The following RAB32 variants were observed in gnomAD, a reference collection of about 807,000 sequenced individuals.
RAB32 encodes RAB32, member RAS oncogene family.
A neutral mutation model predicts 17.5 loss-of-function variants in RAB32; 17 were observed. That is an observed-to-expected ratio of 0.97 (90% confidence interval 0.67 to 1.46). RAB32 has a LOEUF of 1.46. RAB32 is among the 40% of genes most tolerant of loss of function. The pLI, the probability that RAB32 is intolerant of heterozygous loss-of-function variation, is 0.00. For missense variants in RAB32, 288 were observed against 284.3 expected (o/e 1.01, Z -0.09); for synonymous variants, 115 against 111.1 (o/e 1.04, Z -0.22).
At chr6:146,548,417 A>C (rs1779850926) in intron 1 of RAB32, among the ~76,000 whole-genome samples, 1 of 152,220 alleles carries the variant, frequency 6.6e-6, no homozygotes, top group African/African-American at 2.4e-5. Context: ...TGTGTCAATA[A>C]AATGTAGATA....
chr6:146,545,140 G>C (rs367592969), intron 1 of RAB32, among the ~76,000 whole-genome samples: 2 of 152,020 alleles, frequency 1.3e-5, no homozygotes, highest in Non-Finnish European at 2.9e-5. Flanking sequence ...GTGGTCGTGC[G>C]TGCCTGTAGT....
Position 146,549,539 on chromosome 6 carries a change from C to G in RAB32, c.326C>G (p.Ser109Ter). The change falls in exon 2 of 3, where the codon TCA becomes TGA. Residue 109 changes from serine to a stop codon, truncating the protein, a stop_gained. Coordinates refer to ENST00000367495, the MANE Select transcript of RAB32 (RefSeq NM_006834.5). LOFTEE classifies it high-confidence loss of function. The part of the protein sequence containing the change: ...AVGAFVVFDI[S>*]RSSTFEAVLK... ...GGTGCTTTTGTAGTCTTTGATATAT[C>G]AAGAAGTTCCACATTTGAGGCAGTC... The G allele has an allele frequency of 6.2e-7, 1 of 1,614,094 alleles. No homozygotes were observed. Among genetic ancestry groups the G allele is most frequent in the East Asian group, 2.2e-5 (1 of 44,876 alleles).
intron 1 of RAB32, among the ~76,000 whole-genome samples, chr6:146,544,768 CG>C (rs1779799312): frequency 2.0e-5 from 1 of 51,204 alleles, no homozygotes; most frequent in Non-Finnish European, 4.5e-5. Flanking sequence ...CTGGTGCCCT[CG>C]CCCCCCCCCG....
At chr6:146,554,380 C>A in intron 2 of RAB32, 76 bp from the exon 3 acceptor site, 4 of 1,439,392 alleles carry the variant, frequency 2.8e-6, no homozygotes, top group Non-Finnish European at 3.7e-6. Flanking sequence ...TTTTCCTGGT[C>A]CCATTCATAC....
intron 2 of RAB32, among the ~76,000 whole-genome samples, chr6:146,554,173 T>A (rs146603808): frequency 1.7e-3 from 256 of 152,290 alleles, no homozygotes; most frequent in African/African-American, 5.7e-3. Flanking sequence ...AGAGCAAAGA[T>A]TCATTTTCAA....
Position 146,554,813 on chromosome 6 carries a change from T to C in RAB32, c.*208T>C. On this transcript the variant is annotated 3_prime_UTR_variant, in exon 3 of 3. Transcript: ENST00000367495. ...AACTTAACAGATGACAATTAGGCTT[T>C]TGTCATTGTTGCCATCATATGGAAG... The C allele has an allele frequency of 2.2e-6, 1 of 446,246 alleles. No individual in the cohort carries two copies. The highest frequency in any genetic ancestry group is 4.0e-6 in the Non-Finnish European group (1 of 252,412). The allele number at this position is 446,246 out of a possible 1,614,324, so 27.6% of individuals were successfully genotyped here.
In RAB32 at chr6:146,552,648, G is replaced by GT. The variant is rs145403260; in HGVS notation, c.529-1807dup. ...AAGAAGTTGATACAGATGCATGTGT[G>GT]TATACATACGTTTATTTACTAGCCA... On this transcript the variant is annotated intron_variant, in intron 2 of 2. Coordinates refer to ENST00000367495, the MANE Select transcript of RAB32 (RefSeq NM_006834.5). Among the ~76,000 whole-genome samples the GT allele has an allele frequency of 2.6e-5, 4 of 152,262 alleles. No individual in the cohort carries two copies. The East Asian group carries it at 7.7e-4, about 29-fold the overall frequency.
chr6:146,548,896 T>G (rs1779859020), intron 1 of RAB32, among the ~76,000 whole-genome samples: 1 of 152,232 alleles, frequency 6.6e-6, no homozygotes, highest in South Asian at 2.1e-4. Context: ...TGCCTTTTGT[T>G]CTGAAACAGA....
At position 146,551,693 on chromosome 6, in the gene RAB32, T is replaced by A. The variant is rs560101843; in HGVS notation, c.528+1952T>A. On this transcript the variant is annotated intron_variant, in intron 2 of 2. Transcript: ENST00000367495. ...GACAAAATTCCCCTTTAGGCTCTAT[T>A]TAATCTTTCAGATAGTAAATCCAGA... is the stretch of plus-strand genomic sequence containing the variant. 5.1e-4 allele frequency among the ~76,000 whole-genome samples: 78 copies of A among 152,326 alleles called. 1 individual carries two copies. The highest frequency in any genetic ancestry group is 1.7e-3 in the African/African-American group (72 of 41,578).
intron 1 of RAB32, 102 bp downstream of exon 1, chr6:146,544,223 G>C: frequency 7.1e-7 from 1 of 1,411,940 alleles, no homozygotes; most frequent in Non-Finnish European, 9.4e-7. Context: ...GTCTGCCTGG[G>C]TACCTTTAGG....
At chr6:146,551,086 C>CA (rs1379189889) in intron 2 of RAB32, among the ~76,000 whole-genome samples, 1 of 151,980 alleles carries the variant, frequency 6.6e-6, no homozygotes, top group African/African-American at 2.4e-5. Context: ...AGAGACTGCA[C>CA]AAAAGGAGAC....
chr6:146,551,626 T>C (rs1019878101), intron 2 of RAB32, among the ~76,000 whole-genome samples: 23 of 151,876 alleles, frequency 1.5e-4, no homozygotes, highest in Admixed American at 1.4e-3. Context: ...TATAACTGCT[T>C]ATGCGAGTGT....
chr6:146,553,769 CT>C (rs1779924593), intron 2 of RAB32, among the ~76,000 whole-genome samples: 1 of 152,060 alleles, frequency 6.6e-6, no homozygotes, highest in South Asian at 2.1e-4. Flanking sequence ...GGAATGTTTA[CT>C]TTTTTTGCAA....
intron 1 of RAB32, 143 bp downstream of exon 1, chr6:146,544,264 T>C: frequency 8.6e-7 from 1 of 1,167,848 alleles, no homozygotes; most frequent in African/African-American, 1.6e-5. Context: ...AAGGGCGAGA[T>C]GCGATGGACG....
chr6:146,544,206 T>C lies in RAB32; in HGVS notation c.250+85T>C. 10 of 1,452,622 alleles carry C rather than the reference T, an allele frequency of 6.9e-6. No individual in the cohort carries two copies. The South Asian group carries it at 1.4e-4, about 20-fold the overall frequency. 90.0% of individuals were successfully genotyped at this position (1,452,622 alleles called of 1,614,324 possible). On this transcript the variant is annotated intron_variant, in intron 1 of 2. Coordinates refer to ENST00000367495, the MANE Select transcript of RAB32 (RefSeq NM_006834.5). ...GCTTCTTTTCTTTTTCTTTTCTGCC[T>C]GAACTCGTCTGCCTGGGTACCTTTA...
chr6:146,548,445 G>C (rs1779851245), intron 1 of RAB32, among the ~76,000 whole-genome samples: 2 of 152,198 alleles, frequency 1.3e-5, no homozygotes, highest in African/African-American at 4.8e-5. Context: ...TTGCTCATGT[G>C]TTTCAAGAAG....
intron 1 of RAB32, among the ~76,000 whole-genome samples, chr6:146,548,449 CA>C (rs1053701063): frequency 1.3e-5 from 2 of 152,170 alleles, no homozygotes; most frequent in African/African-American, 4.8e-5. Context: ...TCATGTGTTT[CA>C]AGAAGAAAGT....
At chr6:146,548,772 A>G (rs1208264100) in intron 1 of RAB32, among the ~76,000 whole-genome samples, 2 of 152,244 alleles carry the variant, frequency 1.3e-5, no homozygotes, top group East Asian at 1.9e-4. Context: ...GCAAAGTCCT[A>G]TATAATGTAC....
intron 2 of RAB32, among the ~76,000 whole-genome samples, chr6:146,554,017 G>GA (rs893947656): frequency 6.6e-6 from 1 of 152,084 alleles, no homozygotes; most frequent in Admixed American, 6.6e-5. Context: ...CTTAGAGATG[G>GA]AAAAATGACA....
Sources: gnomAD v4.1 joint callset for allele counts (sites outside exome capture counted in the v4.1 genomes callset) on GRCh38, gnomAD v4.1.1 for gene constraint, MANE v1.5 for transcripts, NCBI Gene and HGNC (gene_info 2026-07-23, HGNC 2026-07-21) for gene names.